The following NBEA variants were observed in gnomAD, a reference collection of about 807,000 sequenced individuals.
NBEA encodes the protein lysosomal-trafficking regulator 2.
Under a neutral mutation model 343.4 loss-of-function variants are expected in NBEA, and 44 were observed. The ratio of observed to expected loss-of-function variants is 0.13; its 90% CI spans 0.10 to 0.16. The LOEUF (loss-of-function observed/expected upper bound fraction) is 0.16, where lower values mean the gene tolerates loss of function less well. Among genes scored for constraint, NBEA ranks in the 10% least tolerant of loss-of-function variants. The pLI is 1.00. For missense variants in NBEA, 2,555 were observed against 3,631.3 expected (o/e 0.70, Z 7.62); for synonymous variants, 1,175 against 1,238.7 (o/e 0.95, Z 1.08).
Position 35,665,179 on chromosome 13 carries a change from T to C in NBEA, c.8457T>C (p.Gly2819=). The C allele has an allele frequency of 6.3e-7, 1 of 1,585,264 alleles. No individual in the cohort carries two copies. Among genetic ancestry groups the C allele is most frequent in the East Asian group, 2.3e-5 (1 of 44,194 alleles). ...CAGAACTTGGGCTTGTTATCAGTGG[T>C]GCTAAAGGTCAGAAGTCATTTCTTT... The part of the protein sequence containing the change: ...VCAELGLVIS[G]AKEGPCLVHT... Residue 2819 remains glycine (G), a synonymous_variant, in exon 56 of 59, where the codon GGT becomes GGC. Transcript: ENST00000379939.
chr13:35,319,500 A>G (rs1273076038), intron 36 of NBEA, among the ~76,000 whole-genome samples: 1 of 152,030 alleles, frequency 6.6e-6, no homozygotes. Context: ...GCTGAGGAGT[A>G]TTTTACTTCC....
rs2061305356 is a variant in NBEA, at chr13:35,006,009, G to C, written c.295-34924G>C. On this transcript the variant is annotated intron_variant, in intron 1 of 58. Coordinates refer to ENST00000379939, the MANE Select transcript of NBEA (RefSeq NM_001385012.1). ...TCTTCATTTCTTATAAGCTGCATGT[G>C]GTTGATCTTTTGTTTAAAAAAAGTA... Among the ~76,000 whole-genome samples, 8 of 151,930 alleles carry C rather than the reference G, an allele frequency of 5.3e-5. No homozygotes were observed. The South Asian group carries it at 1.7e-3, about 32-fold the overall frequency.
intron 38 of NBEA, among the ~76,000 whole-genome samples, chr13:35,425,937 A>T (rs2044635186): frequency 6.6e-6 from 1 of 152,068 alleles, no homozygotes; most frequent in Non-Finnish European, 1.5e-5. Flanking sequence ...TTGTTGGTTT[A>T]AAGTCTGTTT....
chr13:35,154,096 G>T (rs1331938383), intron 18 of NBEA, among the ~76,000 whole-genome samples: 4 of 152,198 alleles, frequency 2.6e-5, no homozygotes, highest in African/African-American at 7.2e-5. Context: ...GTATGAGAAT[G>T]AGGGGAACGG....
chr13:35,617,963 G>A (rs189506378), intron 48 of NBEA, among the ~76,000 whole-genome samples: 1 of 152,176 alleles, frequency 6.6e-6, no homozygotes, highest in Admixed American at 6.5e-5. Flanking sequence ...TTGAATATAG[G>A]CTGTATTTTT....
At chr13:35,601,761 C>CAAAAAAAAAAAAA (rs869213180) in intron 47 of NBEA, among the ~76,000 whole-genome samples, 10 of 114,930 alleles carry the variant, frequency 8.7e-5, no homozygotes, top group African/African-American at 1.5e-4. Flanking sequence ...GACTCCATCG[C>CAAAAAAAAAAAAA]AAAAAAAAAA....
intron 55 of NBEA, among the ~76,000 whole-genome samples, chr13:35,657,695 A>G (rs1423173022): frequency 6.6e-6 from 1 of 152,190 alleles, no homozygotes; most frequent in African/African-American, 2.4e-5. Context: ...AAAAAGTTTA[A>G]TTAAGCAGCA....
At chr13:35,502,337 A>G (rs1323170466) in intron 41 of NBEA, among the ~76,000 whole-genome samples, 1 of 152,120 alleles carries the variant, frequency 6.6e-6, no homozygotes, top group East Asian at 1.9e-4. Context: ...TGCTGGTAAT[A>G]TATTAGGTAA....
At chr13:34,985,927 T>A (rs1359055155) in intron 1 of NBEA, among the ~76,000 whole-genome samples, 2 of 150,838 alleles carry the variant, frequency 1.3e-5, no homozygotes, top group African/African-American at 4.8e-5. Flanking sequence ...CTCCTCTCTT[T>A]TCTTCTTTAT....
At chr13:35,082,834 G>A (rs1006876332) in intron 10 of NBEA, among the ~76,000 whole-genome samples, 2 of 152,100 alleles carry the variant, frequency 1.3e-5, no homozygotes, top group African/African-American at 2.4e-5. Flanking sequence ...TGTCAGATGA[G>A]TAGATTGCAA....
chr13:35,636,852 G>A (rs547666717), intron 49 of NBEA, among the ~76,000 whole-genome samples: 6 of 152,250 alleles, frequency 3.9e-5, no homozygotes, highest in South Asian at 2.1e-4. Context: ...TAAAATCTTC[G>A]CTTCCAGGTA....
At chr13:34,983,143 G>A (rs759526135) in intron 1 of NBEA, among the ~76,000 whole-genome samples, 2 of 152,024 alleles carry the variant, frequency 1.3e-5, no homozygotes, top group Non-Finnish European at 2.9e-5. Flanking sequence ...TTTACATTAG[G>A]TATTTCTCCT....
chr13:35,396,382 T>A (rs1194136217), intron 38 of NBEA, among the ~76,000 whole-genome samples: 1 of 152,194 alleles, frequency 6.6e-6, no homozygotes, highest in Non-Finnish European at 1.5e-5. Flanking sequence ...TTTTGAATTA[T>A]ATGAATATTT....
At chr13:35,302,316 C>G (rs993764130) in intron 35 of NBEA, among the ~76,000 whole-genome samples, 6 of 152,162 alleles carry the variant, frequency 3.9e-5, no homozygotes, top group Non-Finnish European at 8.8e-5. Flanking sequence ...TAAACAAAAA[C>G]TTTAAACTCC....
chr13:34,978,294 T>C (rs1240243212), intron 1 of NBEA, among the ~76,000 whole-genome samples: 1 of 152,186 alleles, frequency 6.6e-6, no homozygotes, highest in Non-Finnish European at 1.5e-5. Context: ...ATAGGAAGAA[T>C]TGAAAAAATT....
intron 38 of NBEA, among the ~76,000 whole-genome samples, chr13:35,353,166 T>C (rs1429995609): frequency 5.9e-5 from 9 of 152,204 alleles, no homozygotes; most frequent in African/African-American, 2.2e-4. Flanking sequence ...CCTGGTGCGA[T>C]GGCTCACGCC....
chr13:35,113,157 T>G (rs879417855), intron 13 of NBEA, among the ~76,000 whole-genome samples: 2 of 152,156 alleles, frequency 1.3e-5, no homozygotes, highest in Admixed American at 6.5e-5. Flanking sequence ...ACCAGTTATT[T>G]TTTTGAATAA....
chr13:35,386,576 A>G (rs1372273337), intron 38 of NBEA, among the ~76,000 whole-genome samples: 1 of 152,164 alleles, frequency 6.6e-6, no homozygotes, highest in African/African-American at 2.4e-5. Flanking sequence ...ATCCTGTAAG[A>G]TAATGTTGAC....
chr13:35,539,668 G>A (rs1375246866), intron 41 of NBEA, among the ~76,000 whole-genome samples: 1 of 79,274 alleles, frequency 1.3e-5, no homozygotes, highest in East Asian at 3.1e-4. Context: ...TGTAATACCA[G>A]CACTTTGGGA....
Sources: allele counts gnomAD v4.1 joint callset (sites outside exome capture counted in the v4.1 genomes callset), GRCh38; gene constraint gnomAD v4.1.1; transcripts MANE v1.5; gene names NCBI Gene and HGNC (gene_info 2026-07-23, HGNC 2026-07-21).